GRIP1: variants seen among roughly 807,000 people sequenced by gnomAD.
The protein encoded by GRIP1 is glutamate receptor-interacting protein 1.
GRIP1 carries 45 observed loss-of-function variants against 129.9 expected under a neutral mutation model. The observed-to-expected ratio is 0.35, with a 90% confidence interval of 0.27 to 0.44. The LOEUF (loss-of-function observed/expected upper bound fraction) is 0.44. Ranked by LOEUF, GRIP1 falls within the 20% of genes least tolerant of loss-of-function variation. The probability of loss-of-function intolerance (pLI) is 1.00; values close to 1 mark genes in which losing one functional copy is unlikely to be tolerated. For missense variants in GRIP1, 1,196 were observed against 1,396.8 expected, an observed-to-expected ratio of 0.86 and a Z score of 2.29; for synonymous variants, 530 against 520.8, an observed-to-expected ratio of 1.02 and a Z score of -0.24.
chr12:66,738,512 C>T lies in GRIP1; in HGVS notation c.-420+65541G>A, dbSNP rs187616062. On this transcript the variant is annotated intron_variant, in intron 1 of 4. Transcript: ENST00000538373. ...CTAGGATCACAGGCATGAACCACCA[C>T]GCCCACCCACTTATTTCATTTTTTT... 5.3e-5 allele frequency among the ~76,000 whole-genome samples: 8 copies of T among 152,232 alleles called. No individual in the cohort carries two copies. The East Asian group carries it at 5.8e-4, about 11-fold the overall frequency.
At chr12:66,718,972 C>T (rs1004919658) in intron 1 of GRIP1, among the ~76,000 whole-genome samples, 1 of 152,108 alleles carries the variant, frequency 6.6e-6, no homozygotes, top group Non-Finnish European at 1.5e-5. Flanking sequence ...CCTTTGAGAT[C>T]TAGACACCTG....
chr12:66,993,557 G>A (rs759701816), intron 1 of GRIP1, among the ~76,000 whole-genome samples: 4 of 151,876 alleles, frequency 2.6e-5, no homozygotes, highest in Non-Finnish European at 5.9e-5. Context: ...TTAGGAGGCC[G>A]AGGTAGGTGG....
At chr12:66,691,908 A>C (rs1259728070) in intron 1 of GRIP1, among the ~76,000 whole-genome samples, 1 of 152,214 alleles carries the variant, frequency 6.6e-6, no homozygotes, top group Non-Finnish European at 1.5e-5. Context: ...AGGAAGCATC[A>C]TAAAACTGGT....
At chr12:66,952,266 G>T (rs1390991340) in intron 1 of GRIP1, among the ~76,000 whole-genome samples, 1 of 152,130 alleles carries the variant, frequency 6.6e-6, no homozygotes, top group African/African-American at 2.4e-5. Flanking sequence ...CCAGTTTCAA[G>T]AAGGGAGTGG....
Position 66,478,773 on chromosome 12 carries a change from A to G in GRIP1, c.725-13351T>C, listed in dbSNP as rs71450902. Reference sequence around the variant, plus strand: ...AAACCATCATTCTCAGCAAACTATCACAAGGACAAAAAACCAAACACTGCA... The same window carrying G: ...AAACCATCATTCTCAGCAAACTATCGCAAGGACAAAAAACCAAACACTGCA... On this transcript the variant is annotated intron_variant, in intron 7 of 24. Coordinates refer to ENST00000359742, the MANE Select transcript of GRIP1 (RefSeq NM_001366722.1). Among the ~76,000 whole-genome samples the G allele has an allele frequency of 2.0e-4, 30 of 152,250 alleles. No homozygotes were observed. The East Asian group carries it at 3.7e-3, about 19-fold the overall frequency.
At position 66,986,942 on chromosome 12, in the gene GRIP1, G is replaced by C. The variant is rs1592432298; in HGVS notation, c.58+82108C>G. 2.0e-5 allele frequency among the ~76,000 whole-genome samples: 3 copies of C among 151,998 alleles called. No individual in the cohort carries two copies. In the East Asian group the frequency reaches 5.8e-4, roughly 29 times the overall value. The stretch of plus-strand genomic sequence containing the variant: ...CCTACTAGAAATTCTAAGAAGCTCA[G>C]AGACATCATATAAATCTAAAGAGAC... On this transcript the variant is annotated intron_variant, in intron 1 of 1. Coordinates refer to the GRIP1 transcript ENST00000643019.
chr12:66,932,436 C>A (rs2041412470), intron 1 of GRIP1, among the ~76,000 whole-genome samples: 1 of 151,870 alleles, frequency 6.6e-6, no homozygotes, highest in South Asian at 2.1e-4. Context: ...GATCATACAC[C>A]AGCTGCTTCA....
chr12:66,753,915 T>A (rs1415463952), intron 1 of GRIP1, among the ~76,000 whole-genome samples: 1 of 152,200 alleles, frequency 6.6e-6, no homozygotes, highest in African/African-American at 2.4e-5. Flanking sequence ...AAGAAAAGAT[T>A]TTTCATGGTT....
chr12:66,589,980 C>A (rs2139701527), intron 2 of GRIP1, among the ~76,000 whole-genome samples: 1 of 152,262 alleles, frequency 6.6e-6, no homozygotes, highest in Non-Finnish European at 1.5e-5. Context: ...TAGCCAAACC[C>A]AGGAATGAGA....
In GRIP1 at chr12:66,348,095, A is replaced by AGAT. The variant is rs1165619170; in HGVS notation, c.*921_*923dup. The AGAT allele has an allele frequency of 2.0e-5, 3 of 152,198 alleles. No individual in the cohort carries two copies. Among genetic ancestry groups the AGAT allele is most frequent in the Admixed American group, 2.0e-4 (3 of 15,272 alleles). The allele number at this position is 152,198 out of a possible 1,614,324, so 9.4% of individuals were successfully genotyped here. On this transcript the variant is annotated 3_prime_UTR_variant, in exon 25 of 25. Coordinates refer to ENST00000359742, the MANE Select transcript of GRIP1 (RefSeq NM_001366722.1). The stretch of plus-strand genomic sequence containing the variant: ...GGTAAGTGGCATGGCTCAGAGCAAA[A>AGAT]GATAGTCCAGTGTCATTTTTAAGTA...
At chr12:67,044,334 T>C (rs1320500097) in intron 1 of GRIP1, among the ~76,000 whole-genome samples, 1 of 152,212 alleles carries the variant, frequency 6.6e-6, no homozygotes, top group Non-Finnish European at 1.5e-5. Flanking sequence ...AACTAGGATT[T>C]GTAGATACTA....
At chr12:66,562,646 G>A (rs994237015) in intron 2 of GRIP1, among the ~76,000 whole-genome samples, 1 of 152,050 alleles carries the variant, frequency 6.6e-6, no homozygotes, top group African/African-American at 2.4e-5. Context: ...TACAGTAGAA[G>A]GAGTTTTTAT....
At chr12:66,635,886 A>G (rs772568996) in intron 1 of GRIP1, among the ~76,000 whole-genome samples, 7 of 152,218 alleles carry the variant, frequency 4.6e-5, no homozygotes, top group Non-Finnish European at 7.3e-5. Flanking sequence ...AGGGAAATGC[A>G]AACTAAAAAC....
Position 66,700,014 on chromosome 12 carries a change from G to A in GRIP1, c.-419-69678C>T, listed in dbSNP as rs542144356. 1.3e-4 allele frequency among the ~76,000 whole-genome samples: 20 copies of A among 152,262 alleles called. No individual in the cohort carries two copies. In the South Asian group the frequency reaches 3.9e-3, roughly 30 times the overall value. On this transcript the variant is annotated intron_variant, in intron 1 of 4. Coordinates refer to the GRIP1 transcript ENST00000538373. ...TCAGGGACTAGCATCATGCAGCAAG[G>A]CAGGGAGAGCTTCTCTTCTTCTGCC...
In GRIP1 at chr12:66,432,603, T is replaced by C. The variant is rs2058181656; in HGVS notation, c.1713A>G (p.Thr571=). ...GCTTCTTAGGCAGCTTTACATGAAA[T>C]GTTCCACTACTTGGGATGACAGACT... The part of the protein sequence containing the change: ...VAESVIPSSG[T]FHVKLPKKHN... The change falls in exon 14 of 25, where the codon ACA becomes ACG. Residue 571 remains threonine (T), a synonymous_variant. Transcript: ENST00000359742. 1 of 1,603,100 alleles carries C rather than the reference T, an allele frequency of 6.2e-7. No homozygotes were observed. Among genetic ancestry groups the C allele is most frequent in the Non-Finnish European group, 8.5e-7 (1 of 1,170,758 alleles).
chr12:66,421,479 G>A (rs2057800187), intron 14 of GRIP1, among the ~76,000 whole-genome samples: 1 of 152,110 alleles, frequency 6.6e-6, no homozygotes, highest in Admixed American at 6.5e-5. Flanking sequence ...AGGAGGCAGA[G>A]GTTGCAGTGA....
chr12:66,932,796 G>A (rs1017343287), intron 1 of GRIP1, among the ~76,000 whole-genome samples: 1 of 152,056 alleles, frequency 6.6e-6, no homozygotes, highest in Admixed American at 6.5e-5. Context: ...AGCCTCCCAA[G>A]TAACTAGGAC....
intron 1 of GRIP1, among the ~76,000 whole-genome samples, chr12:66,716,333 AT>A (rs2035886263): frequency 1.3e-5 from 2 of 151,890 alleles, no homozygotes; most frequent in African/African-American, 4.8e-5. Flanking sequence ...TCACCTGACC[AT>A]TTATTAGAGG....
intron 23 of GRIP1, among the ~76,000 whole-genome samples, chr12:66,363,229 AAAGTT>A (rs2054914889): frequency 7.7e-6 from 1 of 129,692 alleles, no homozygotes; most frequent in Non-Finnish European, 1.6e-5. Context: ...ATATATATAT[AAAGTT>A]TCTGTATCTC....
Sources: allele counts gnomAD v4.1 joint callset (sites outside exome capture counted in the v4.1 genomes callset), GRCh38; gene constraint gnomAD v4.1.1; transcripts MANE v1.5; gene names NCBI Gene and HGNC (gene_info 2026-07-23, HGNC 2026-07-21).